Variants in GNPTAB observed in about 807,000 individuals in gnomAD.
GNPTAB encodes the protein N-acetylglucosamine-1-phosphate transferase subunits alpha and beta, also known as N-acetylglucosamine-1-phosphotransferase subunits alpha/beta.
GNPTAB carries 92 observed loss-of-function variants against 136.6 expected under a neutral mutation model. That is an observed-to-expected ratio of 0.67 (90% CI 0.57 to 0.80). GNPTAB has a LOEUF of 0.80. Among genes scored for constraint, GNPTAB ranks in the 30% least tolerant of loss-of-function variants. The pLI is 0.00. For synonymous variants in GNPTAB, 512 were observed against 535.1 expected, an observed-to-expected ratio of 0.96 and a Z score of 0.60; for missense variants, 1,343 against 1,501.8, an observed-to-expected ratio of 0.89 and a Z score of 1.75.
chr12:101,765,926 A>C, intron 12 of GNPTAB, 165 bp downstream of exon 12: 1 of 672,592 alleles, frequency 1.5e-6, no homozygotes, highest in Non-Finnish European at 2.7e-6. Context: ...GATCCTCTTC[A>C]GTGATTTATG....
At chr12:101,790,209 C>T (rs1258211417) in intron 2 of GNPTAB, 152 bp from the exon 3 acceptor site, 12 of 1,038,704 alleles carry the variant, frequency 1.2e-5, no homozygotes, top group Non-Finnish European at 1.7e-5. Flanking sequence ...TGCATGTTTT[C>T]AAACTGTAGC....
chr12:101,771,701 G>A (rs931935015), intron 7 of GNPTAB, among the ~76,000 whole-genome samples: 2 of 152,220 alleles, frequency 1.3e-5, no homozygotes, highest in African/African-American at 4.8e-5. Flanking sequence ...AGAGCCATCT[G>A]AGAGCTGCAA....
intron 1 of GNPTAB, among the ~76,000 whole-genome samples, chr12:101,825,856 G>A (rs1221170027): frequency 6.6e-6 from 1 of 152,118 alleles, no homozygotes; most frequent in Non-Finnish European, 1.5e-5. Flanking sequence ...TAGATAAGAG[G>A]GGCTACTCCC....
intron 20 of GNPTAB, among the ~76,000 whole-genome samples, chr12:101,747,562 C>G (rs1206404717): frequency 1.3e-5 from 2 of 152,188 alleles, no homozygotes; most frequent in African/African-American, 4.8e-5. Context: ...TATTTATTTT[C>G]AAGATGTCCA....
chr12:101,767,628 ATTTG>A (rs1055941700), intron 11 of GNPTAB, among the ~76,000 whole-genome samples: 53 of 152,056 alleles, frequency 3.5e-4, no homozygotes, highest in African/African-American at 1.2e-3. Flanking sequence ...TTGATTACTG[ATTTG>A]TTTGTTTTGA....
chr12:101,796,490 A>G, intron 2 of GNPTAB, 187 bp downstream of exon 2: 2 of 617,766 alleles, frequency 3.2e-6, no homozygotes, highest in African/African-American at 1.8e-5. Context: ...GTATCGTTCC[A>G]GTTTTTTTTT....
chr12:101,766,605 T>C (rs1953098982), intron 11 of GNPTAB, among the ~76,000 whole-genome samples: 1 of 152,040 alleles, frequency 6.6e-6, no homozygotes. Flanking sequence ...ACCACTGCAC[T>C]CCAGCCTGGG....
chr12:101,805,143 G>A (rs1157570604), intron 1 of GNPTAB, among the ~76,000 whole-genome samples: 1 of 152,052 alleles, frequency 6.6e-6, no homozygotes, highest in African/African-American at 2.4e-5. Context: ...AGTATAATTA[G>A]TAAACCAGAA....
At chr12:101,759,114 G>A (rs1290045209) in intron 16 of GNPTAB, among the ~76,000 whole-genome samples, 2 of 151,948 alleles carry the variant, frequency 1.3e-5, no homozygotes, top group African/African-American at 4.8e-5. Context: ...CTGTAATCCC[G>A]GCACTTTGGG....
chr12:101,830,004 C>CAAAAAAAA (rs35884808), intron 1 of GNPTAB, among the ~76,000 whole-genome samples: 35 of 105,988 alleles, frequency 3.3e-4, no homozygotes, highest in East Asian at 1.8e-3. Flanking sequence ...AACCTCCTAC[C>CAAAAAAAA]AAAAAAAAAA....
rs1458682142 is a variant in GNPTAB at position 101,769,911 on chromosome 12, G to A, written c.1284+110C>T. 7.2e-6 allele frequency: 8 copies of A among 1,104,842 alleles called. No individual in the cohort carries two copies. The East Asian group carries it at 1.6e-4, about 23-fold the overall frequency. 68.4% of individuals were successfully genotyped at this position (1,104,842 alleles called of 1,614,324 possible). ...CTCCCAAAGTACTGGGATTACAGGT[G>A]TGAGCCACCATGTCTGGCCTGATAT... is the stretch of plus-strand genomic sequence containing the variant. On this transcript the variant is annotated intron_variant, in intron 10 of 20. Transcript: ENST00000299314.
chr12:101,776,476 CA>C (rs1189840743), intron 7 of GNPTAB, among the ~76,000 whole-genome samples: 3 of 152,286 alleles, frequency 2.0e-5, no homozygotes, highest in Non-Finnish European at 4.4e-5. Flanking sequence ...TATAAGACTA[CA>C]GTCAAAAGAT....
At chr12:101,825,617 C>G (rs1275695533) in intron 1 of GNPTAB, among the ~76,000 whole-genome samples, 1 of 152,124 alleles carries the variant, frequency 6.6e-6, no homozygotes, top group Non-Finnish European at 1.5e-5. Flanking sequence ...GGACTATGTA[C>G]CTCTCACAAA....
In GNPTAB at chr12:101,765,269, G is replaced by C; in HGVS notation, c.1648C>G (p.Pro550Ala). The C allele has an allele frequency of 2.5e-6, 4 of 1,613,270 alleles. No homozygotes were observed. The highest frequency in any genetic ancestry group is 3.4e-6 in the Non-Finnish European group (4 of 1,179,316). ...GGAATAATATAGTGAGTCTGGTTTG[G>C]GAGAAGGATCACTTTATACAATTCA... ...FHELYKVILLPNQTHYIIPKG... is the reference protein window; with the variant it reads ...FHELYKVILLANQTHYIIPKG... The change falls in exon 13 of 21, where the codon CCA becomes GCA. Residue 550 changes from proline to alanine, a missense_variant. By Grantham distance (27) the Pro-to-Ala change is conservative. Transcript: ENST00000299314.
chr12:101,816,676 T>C (rs1419273115), intron 1 of GNPTAB, among the ~76,000 whole-genome samples: 1 of 152,194 alleles, frequency 6.6e-6, no homozygotes, highest in Non-Finnish European at 1.5e-5. Flanking sequence ...CTATATGATC[T>C]AGCAATCCCA....
rs768136710 is a variant in GNPTAB at position 101,746,744 on chromosome 12, GA to G, written c.*419del. On this transcript the variant is annotated 3_prime_UTR_variant, in exon 21 of 21. Transcript: ENST00000299314. ...TAGTAACTACTTAAAAATGGGAAAT[GA>G]AAAAAAAAAAGTGCAAAACTTTAGC... 1,339 of 155,202 alleles carry G rather than the reference GA, an allele frequency of 8.6e-3. 3 individuals carry two copies. Among genetic ancestry groups the G allele is most frequent in the Middle Eastern group, 0.013 (4 of 302 alleles). 9.6% of individuals were successfully genotyped at this position (155,202 alleles called of 1,614,324 possible). A position where few individuals can be genotyped will look rare whatever the true frequency, so the allele number is the denominator to read the frequency against.
chr12:101,767,662 G>A (rs902891028), intron 11 of GNPTAB, among the ~76,000 whole-genome samples: 4 of 152,154 alleles, frequency 2.6e-5, no homozygotes, highest in Admixed American at 6.5e-5. Context: ...TCACTCTGCC[G>A]CCCAGGTTAG....
intron 1 of GNPTAB, among the ~76,000 whole-genome samples, chr12:101,814,176 G>A (rs549246319): frequency 2.5e-4 from 38 of 152,160 alleles, no homozygotes; most frequent in African/African-American, 8.9e-4. Flanking sequence ...GCATGAGCCT[G>A]TAGTCCCAGC....
chr12:101,780,774 C>T (rs1953331008), intron 5 of GNPTAB, among the ~76,000 whole-genome samples, 153 bp from the exon 6 acceptor site: 1 of 152,110 alleles, frequency 6.6e-6, no homozygotes, highest in Non-Finnish European at 1.5e-5. Flanking sequence ...TTAGCCCATT[C>T]AACAAAAGGG....
Sources: allele counts gnomAD v4.1 joint callset (sites outside exome capture counted in the v4.1 genomes callset), GRCh38; gene constraint gnomAD v4.1.1; transcripts MANE v1.5; gene names NCBI Gene and HGNC (gene_info 2026-07-23, HGNC 2026-07-21).